The following RBFOX1 variants were observed in gnomAD, a reference collection of about 807,000 sequenced individuals.
RBFOX1 encodes the protein RNA binding protein fox-1 homolog 1.
In RBFOX1, 8 loss-of-function variants were observed where a neutral mutation model predicts 57.7. That is an observed-to-expected ratio of 0.14 (90% confidence interval 0.08 to 0.25). The LOEUF (loss-of-function observed/expected upper bound fraction) is 0.25. Among genes scored for constraint, RBFOX1 ranks in the 10% least tolerant of loss-of-function variants. RBFOX1 has a pLI of 1.00. For synonymous variants in RBFOX1, 326 were observed against 222.4 expected (o/e 1.47, Z -4.15); for missense variants, 611 against 548.5 (o/e 1.11, Z -1.14).
At chr16:6,233,975 G>A (rs370453493) in intron 1 of RBFOX1, among the ~76,000 whole-genome samples, 8 of 152,158 alleles carry the variant, frequency 5.3e-5, no homozygotes, top group African/African-American at 1.9e-4. Flanking sequence ...GTCCAAGATC[G>A]AGGCAATAGA....
chr16:5,316,914 G>T (rs2064255322), intron 1 of RBFOX1, among the ~76,000 whole-genome samples: 2 of 152,112 alleles, frequency 1.3e-5, no homozygotes, highest in African/African-American at 4.8e-5. Flanking sequence ...ATTGGCTGGG[G>T]TCTCAGAGGA....
chr16:6,982,217 G>C (rs2089103093), intron 3 of RBFOX1, among the ~76,000 whole-genome samples: 2 of 152,144 alleles, frequency 1.3e-5, no homozygotes, highest in Admixed American at 1.3e-4. Context: ...CCTGTGGTTG[G>C]CTATCAGGTA....
chr16:5,731,241 A>G (rs948656833), intron 3 of RBFOX1, among the ~76,000 whole-genome samples: 4 of 151,954 alleles, frequency 2.6e-5, no homozygotes, highest in African/African-American at 7.3e-5. Context: ...TGTCATCACT[A>G]TCAATGTCTC....
At chr16:6,461,345 G>A (rs552200156) in intron 2 of RBFOX1, among the ~76,000 whole-genome samples, 1 of 152,212 alleles carries the variant, frequency 6.6e-6, no homozygotes, top group South Asian at 2.1e-4. Flanking sequence ...TAATTAACTC[G>A]TTAAAGACCT....
chr16:7,653,939 C>A lies in RBFOX1; in HGVS notation c.882C>A (p.Ala294=). The change falls in exon 12 of 16, where the codon GCC becomes GCA. Residue 294 remains alanine (A), a synonymous_variant. Coordinates refer to ENST00000550418, the MANE Select transcript of RBFOX1 (RefSeq NM_018723.4). ...RAAAPPPPIP[A]YGGVVYQDGF... is the part of the protein sequence containing the mutation. Reference sequence around the variant, plus strand: ...CGGCGCCCCCGCCCCCGATCCCGGCCTACGGCGGGTAAGTGGGGCAGCCTC... The same window carrying A: ...CGGCGCCCCCGCCCCCGATCCCGGCATACGGCGGGTAAGTGGGGCAGCCTC... 6.5e-7 allele frequency: 1 copy of A among 1,531,178 alleles called. No homozygotes were observed. The highest frequency in any genetic ancestry group is 1.2e-5 in the South Asian group (1 of 81,690). The allele number at this position is 1,531,178 out of a possible 1,614,324, so 94.8% of individuals were successfully genotyped here.
intron 1 of RBFOX1, among the ~76,000 whole-genome samples, chr16:6,290,210 A>G (rs2077327067): frequency 1.6e-5 from 2 of 124,234 alleles, no homozygotes; most frequent in Admixed American, 1.6e-4. Flanking sequence ...ACCAAAATAG[A>G]TTGTTGTGAG....
intron 2 of RBFOX1, among the ~76,000 whole-genome samples, chr16:6,640,282 C>G (rs773361314): frequency 6.6e-6 from 1 of 152,146 alleles, no homozygotes; most frequent in Non-Finnish European, 1.5e-5. Context: ...CTATTAAGAA[C>G]TAGGCTATAT....
chr16:6,042,821 A>G (rs892956), intron 1 of RBFOX1, among the ~76,000 whole-genome samples: 40,143 of 151,860 alleles, frequency 0.26, 5,671 homozygotes, highest in Non-Finnish European at 0.32. Context: ...AATGGGGGTA[A>G]GTAGCCTGCG....
rs147728139 is a variant in RBFOX1 at position 5,489,970 on chromosome 16, G to A, written c.258+22716G>A. Among the ~76,000 whole-genome samples, 16 of 152,294 alleles carry A rather than the reference G, an allele frequency of 1.1e-4. No homozygotes were observed. The East Asian group carries it at 3.1e-3, about 29-fold the overall frequency. ...GCATCTGGAAGGAGGTCAGACCCAG[G>A]CCTGGCCTGTTATTTTCACTGCTGT... On this transcript the variant is annotated intron_variant, in intron 2 of 2. Coordinates refer to the RBFOX1 transcript ENST00000585867.
Position 6,161,396 on chromosome 16 carries a change from A to G in RBFOX1, c.-127+141404A>G, listed in dbSNP as rs554902620. 3.3e-5 allele frequency among the ~76,000 whole-genome samples: 5 copies of G among 152,128 alleles called. No homozygotes were observed. The South Asian group carries it at 6.2e-4, about 19-fold the overall frequency. On this transcript the variant is annotated intron_variant, in intron 1 of 15. Coordinates refer to ENST00000550418, the MANE Select transcript of RBFOX1 (RefSeq NM_018723.4). ...AGAGTGAGACTCTGTCTTAAAAAAA[A>G]AAAAAAAAAGGATTGATTAGTTCGT...
At chr16:7,369,276 G>A (rs2097525693) in intron 4 of RBFOX1, among the ~76,000 whole-genome samples, 1 of 152,024 alleles carries the variant, frequency 6.6e-6, no homozygotes, top group Non-Finnish European at 1.5e-5. Context: ...CTCGGGGGCT[G>A]ACCATGTCTT....
intron 1 of RBFOX1, among the ~76,000 whole-genome samples, chr16:5,249,603 CTGAGTA>C (rs1398392922): frequency 6.6e-6 from 1 of 152,196 alleles, no homozygotes; most frequent in African/African-American, 2.4e-5. Context: ...TCTATGTGGT[CTGAGTA>C]TAATTTGTTA....
At position 7,154,442 on chromosome 16, in the gene RBFOX1, T is replaced by A. The variant is rs369241123; in HGVS notation, c.27+102344T>A. Among the ~76,000 whole-genome samples, 47 of 152,326 alleles carry A rather than the reference T, an allele frequency of 3.1e-4. No homozygotes were observed. In the East Asian group the frequency reaches 8.1e-3, roughly 26 times the overall value. On this transcript the variant is annotated intron_variant, in intron 4 of 15. Transcript: ENST00000550418. ...ATATGGTCCCATCACAGAAGGACAATAGATCTTTCCTAAGATTTACCTGAC... is the reference window on the plus strand; with the variant it reads ...ATATGGTCCCATCACAGAAGGACAAAAGATCTTTCCTAAGATTTACCTGAC...
At chr16:5,803,813 G>C (rs1057062240) in intron 3 of RBFOX1, among the ~76,000 whole-genome samples, 1 of 152,048 alleles carries the variant, frequency 6.6e-6, no homozygotes, top group Admixed American at 6.6e-5. Flanking sequence ...TAAAGGTCTG[G>C]GATTGCAGAA....
intron 3 of RBFOX1, among the ~76,000 whole-genome samples, chr16:5,626,010 G>A (rs1159328606): frequency 6.6e-6 from 1 of 152,182 alleles, no homozygotes. Context: ...CCATGTAGCT[G>A]GGATTACAGG....
chr16:6,923,919 C>T (rs1385806282), intron 3 of RBFOX1, among the ~76,000 whole-genome samples: 1 of 151,994 alleles, frequency 6.6e-6, no homozygotes, highest in Non-Finnish European at 1.5e-5. Context: ...ACCTGTAATC[C>T]CAGCACTTTG....
chr16:7,150,561 G>C (rs2075916879), intron 4 of RBFOX1, among the ~76,000 whole-genome samples: 2 of 152,102 alleles, frequency 1.3e-5, no homozygotes, highest in African/African-American at 4.8e-5. Context: ...ACTCTTAACA[G>C]ATATTTTCTC....
chr16:7,319,915 G>A (rs183191121), intron 4 of RBFOX1, among the ~76,000 whole-genome samples: 17 of 152,286 alleles, frequency 1.1e-4, no homozygotes, highest in Admixed American at 7.2e-4. Flanking sequence ...ATGAGTCAAA[G>A]TGTTGGAGTG....
intron 3 of RBFOX1, among the ~76,000 whole-genome samples, chr16:6,842,234 T>C (rs2093512930): frequency 6.6e-6 from 1 of 152,116 alleles, no homozygotes; most frequent in Non-Finnish European, 1.5e-5. Flanking sequence ...AGCTGAATAA[T>C]ACCTCTGACA....
Sources: allele counts gnomAD v4.1 joint callset (sites outside exome capture counted in the v4.1 genomes callset), GRCh38; gene constraint gnomAD v4.1.1; transcripts MANE v1.5; gene names NCBI Gene and HGNC (gene_info 2026-07-23, HGNC 2026-07-21).